Variants in MYO18B observed in about 807,000 individuals in gnomAD.
MYO18B encodes myosin XVIIIB, also known as unconventional myosin-XVIIIb.
A neutral mutation model predicts 273.0 loss-of-function variants in MYO18B; 204 were observed. The observed-to-expected ratio is 0.75, with a 90% CI of 0.67 to 0.84. The LOEUF (loss-of-function observed/expected upper bound fraction) is 0.84, where lower values mean the gene tolerates loss of function less well. Ranked by LOEUF, MYO18B falls within the 40% of genes least tolerant of loss-of-function variation. The pLI, the probability that MYO18B is intolerant of heterozygous loss-of-function variation, is 0.00. For missense variants in MYO18B, 3,212 were observed against 3,287.6 expected, an observed-to-expected ratio of 0.98 and a Z score of 0.56; for synonymous variants, 1,330 against 1,305.7, an observed-to-expected ratio of 1.02 and a Z score of -0.40.
At chr22:25,837,929 T>C (rs1332045133) in intron 17 of MYO18B, among the ~76,000 whole-genome samples, 2 of 152,124 alleles carry the variant, frequency 1.3e-5, no homozygotes, top group South Asian at 2.1e-4. Context: ...GTTTGTTATA[T>C]AGGTAAATGT....
At chr22:25,942,074 A>G (rs915594563) in intron 34 of MYO18B, among the ~76,000 whole-genome samples, 12 of 152,206 alleles carry the variant, frequency 7.9e-5, no homozygotes, top group Non-Finnish European at 1.8e-4. Flanking sequence ...AGCACTTTGC[A>G]TGTTTTCATC....
chr22:25,801,380 A>T lies in MYO18B; in HGVS notation c.2521+3283A>T, dbSNP rs2088187595. Reference sequence around the variant, plus strand: ...CTATTATGCCCTTGGATTGGATTAGATGTATGTGCTAACTTAATGGGCAAG... The same window carrying T: ...CTATTATGCCCTTGGATTGGATTAGTTGTATGTGCTAACTTAATGGGCAAG... On this transcript the variant is annotated intron_variant, in intron 12 of 43. Transcript: ENST00000335473. 2.0e-5 allele frequency among the ~76,000 whole-genome samples: 3 copies of T among 152,252 alleles called. No homozygotes were observed. The South Asian group carries it at 6.2e-4, about 32-fold the overall frequency.
intron 10 of MYO18B, among the ~76,000 whole-genome samples, chr22:25,782,793 G>A (rs2145671715): frequency 6.6e-6 from 1 of 152,364 alleles, no homozygotes; most frequent in Middle Eastern, 3.4e-3. Flanking sequence ...AGAAGGCAGA[G>A]TAGAGAGGGA....
At chr22:26,041,088 G>T in the MYO18B span, among the ~76,000 whole-genome samples, 2 of 152,318 alleles carry the variant, frequency 1.3e-5, no homozygotes, top group African/African-American at 2.4e-5. Context: ...ACCCAGGACA[G>T]CTCTGAATGT....
the MYO18B span, among the ~76,000 whole-genome samples, chr22:26,041,366 A>C: frequency 4.0e-5 from 6 of 150,706 alleles, no homozygotes; most frequent in South Asian, 4.2e-4. Flanking sequence ...AAAAAAAAAA[A>C]AAAAAACAAA....
At chr22:25,885,710 A>T (rs968007231) in intron 25 of MYO18B, among the ~76,000 whole-genome samples, 12 of 152,058 alleles carry the variant, frequency 7.9e-5, no homozygotes, top group Admixed American at 7.9e-4. Context: ...TTTCAAAAAG[A>T]GGTATGTGGG....
Position 25,883,023 on chromosome 22 carries a change from T to C in MYO18B, c.4314+4975T>C, listed in dbSNP as rs989141566. Among the ~76,000 whole-genome samples the C allele has an allele frequency of 2.6e-5, 4 of 152,012 alleles. No individual in the cohort carries two copies. The highest frequency in any genetic ancestry group is 4.4e-5 in the Non-Finnish European group (3 of 67,970). On this transcript the variant is annotated intron_variant, in intron 25 of 43. Coordinates refer to ENST00000335473, the MANE Select transcript of MYO18B (RefSeq NM_032608.7). The surrounding 1 kb of genome is among the most constrained non-coding windows in gnomAD (Gnocchi z 7.6). ...GCGAACCTCCTACTTCAGCCTCCCA[T>C]GTAGCCAGGACCACAGGCGTGCATC...
At chr22:26,052,947 C>T in the MYO18B span, among the ~76,000 whole-genome samples, 16 of 151,718 alleles carry the variant, frequency 1.1e-4, no homozygotes, top group East Asian at 2.3e-3. Flanking sequence ...GGACTACAGG[C>T]GCCTGCCACC....
chr22:25,745,583 C>T (rs1277637211), intron 1 of MYO18B, among the ~76,000 whole-genome samples: 1 of 152,152 alleles, frequency 6.6e-6, no homozygotes, highest in African/African-American at 2.4e-5. Context: ...CAGCCTGACT[C>T]ATCCAGTTTC....
chr22:25,817,290 GTC>G (rs1388262353), intron 12 of MYO18B, among the ~76,000 whole-genome samples: 7 of 141,230 alleles, frequency 5.0e-5, no homozygotes, highest in Non-Finnish European at 9.2e-5. Context: ...CTCTCTTTCT[GTC>G]TCTTTCTCTC....
chr22:25,839,088 G>A (rs1251648530), intron 17 of MYO18B, among the ~76,000 whole-genome samples: 5 of 151,192 alleles, frequency 3.3e-5, no homozygotes, highest in Middle Eastern at 3.4e-3. Flanking sequence ...ATGTATTAGT[G>A]TGTATACGTG....
intron 12 of MYO18B, among the ~76,000 whole-genome samples, chr22:25,819,894 TAATAATAAC>T (rs914689354): frequency 6.6e-6 from 1 of 151,208 alleles, no homozygotes; most frequent in Non-Finnish European, 1.5e-5. Flanking sequence ...TGTGAAGATT[TAATAATAAC>T]AATAATAACA....
rs1346721576 is a variant in MYO18B at position 26,030,805 on chromosome 22, C to T, written c.*375C>T. 5 of 397,270 alleles carry T rather than the reference C, an allele frequency of 1.3e-5. No individual in the cohort carries two copies. Among genetic ancestry groups the T allele is most frequent in the Non-Finnish European group, 2.2e-5 (5 of 225,626 alleles). 24.6% of individuals were successfully genotyped at this position (397,270 alleles called of 1,614,324 possible). A position where few individuals can be genotyped will look rare whatever the true frequency, so the allele number is the denominator to read the frequency against. ...ATGTCTACATGCCATGACCTTCCTC[C>T]TCCTCTTCACTTGGCCAGTTTCAGC... is the stretch of plus-strand genomic sequence containing the variant. On this transcript the variant is annotated 3_prime_UTR_variant, in exon 44 of 44. Transcript: ENST00000335473.
At chr22:25,878,817 T>C (rs2091266552) in intron 25 of MYO18B, among the ~76,000 whole-genome samples, 1 of 152,236 alleles carries the variant, frequency 6.6e-6, no homozygotes, top group South Asian at 2.1e-4. Flanking sequence ...CTTGAACAAT[T>C]TGGCATTATC....
intron 34 of MYO18B, among the ~76,000 whole-genome samples, chr22:25,937,785 A>G (rs2092598378): frequency 1.3e-5 from 2 of 152,056 alleles, no homozygotes; most frequent in East Asian, 1.9e-4. Flanking sequence ...GGGTTTCTCC[A>G]TGTTGGTCAG....
At chr22:25,767,243 C>T (rs1439558437) in intron 3 of MYO18B, among the ~76,000 whole-genome samples, 1 of 152,206 alleles carries the variant, frequency 6.6e-6, no homozygotes, top group Non-Finnish European at 1.5e-5. Context: ...AGGCTAAAAT[C>T]ACAAGGCAGT....
the MYO18B span, among the ~76,000 whole-genome samples, chr22:26,041,229 C>A: frequency 1.3e-5 from 2 of 151,464 alleles, no homozygotes; most frequent in African/African-American, 4.9e-5. Context: ...CAATGTGGCC[C>A]AGGGAAGCCA....
At chr22:25,998,190 A>G (rs139345221) in intron 40 of MYO18B, among the ~76,000 whole-genome samples, 1 of 152,334 alleles carries the variant, frequency 6.6e-6, no homozygotes, top group African/African-American at 2.4e-5. Flanking sequence ...AGAGCCCTGC[A>G]TTGTAACTTG....
chr22:25,772,659 C>T (rs2086766043), intron 7 of MYO18B, 149 bp downstream of exon 7: 2 of 779,206 alleles, frequency 2.6e-6, no homozygotes, highest in East Asian at 5.4e-5. Context: ...TTGTGGCATC[C>T]TGTGGCATGG....
Sources: gnomAD v4.1 joint callset for allele counts (sites outside exome capture counted in the v4.1 genomes callset) on GRCh38, gnomAD v4.1.1 for gene constraint, Gnocchi (gnomAD v3.1) non-coding constraint, MANE v1.5 for transcripts, NCBI Gene and HGNC (gene_info 2026-07-23, HGNC 2026-07-21) for gene names.